The following PMS2 variants were observed in gnomAD, a reference collection of about 807,000 sequenced individuals.
The protein encoded by PMS2 is PMS1 homolog 2, mismatch repair system component.
In PMS2, 69 loss-of-function variants were observed where a neutral mutation model predicts 90.0. That is an observed-to-expected ratio of 0.77 (90% CI 0.63 to 0.94). The LOEUF is 0.94. Ranked by LOEUF, PMS2 falls within the 40% of genes least tolerant of loss-of-function variation. The pLI is 0.00. For missense variants in PMS2, 966 were observed against 1,040.2 expected (o/e 0.93, Z 0.98); for synonymous variants, 332 against 375.1 (o/e 0.89, Z 1.33).
intron 5 of PMS2, among the ~76,000 whole-genome samples, chr7:5,999,836 G>C (rs1424584259): frequency 6.6e-6 from 1 of 152,038 alleles, no homozygotes; most frequent in Non-Finnish European, 1.5e-5. Context: ...CATTGTGTTT[G>C]ATTTTATAAT....
At chr7:6,009,088 T>C (rs757534058), upstream of PMS2, 1 of 1,556,868 alleles carries the variant, frequency 6.4e-7, no homozygotes, top group Non-Finnish European at 8.9e-7. Context: ...GCGCTCCGCC[T>C]CCTGAACTCC....
At chr7:5,992,752 TA>T (rs1783910712) in intron 8 of PMS2, among the ~76,000 whole-genome samples, 2 of 152,216 alleles carry the variant, frequency 1.3e-5, no homozygotes, top group South Asian at 4.1e-4. Flanking sequence ...ACAATCAAGA[TA>T]ATGAATATAT....
rs116349687 is a variant in PMS2, at chr7:6,002,493, A to G, written c.497T>C (p.Leu166Pro). The G allele has an allele frequency of 1.4e-4, 221 of 1,611,606 alleles. No individual in the cohort carries two copies. The African/African-American group carries it at 2.7e-3, about 20-fold the overall frequency. ...TVSVQQLFSTLPVRHKEFQRN... is the reference protein window; with the variant it reads ...TVSVQQLFSTPPVRHKEFQRN... ...TTGAAATTCCTTATGGCGCACAGGT[A>G]GTGTGGAAAATAACTGCTGCACGCT... The change falls in exon 5 of 15, where the codon CTA (leucine) becomes CCA (proline). Residue 166 changes from leucine to proline, a missense_variant. Physicochemically the swap from Leu to Pro is moderately conservative, Grantham distance 98. Transcript: ENST00000265849.
In PMS2 at chr7:5,995,530, A is replaced by G. The variant is rs753803330; in HGVS notation, c.903+4T>C. 4.4e-6 allele frequency: 7 copies of G among 1,606,818 alleles called. No homozygotes were observed. The African/African-American group carries it at 6.7e-5, about 15-fold the overall frequency. On this transcript the variant is annotated splice_donor_region_variant and intron_variant, in intron 8 of 14. Transcript: ENST00000265849. The stretch of plus-strand genomic sequence containing the variant: ...ACAAACTAACACAAAAAAATTTTAA[A>G]TACCTTTGCTGGGTCACAAGGCCGC...
intron 10 of PMS2, among the ~76,000 whole-genome samples, chr7:5,988,229 A>T (rs902161888): frequency 6.6e-6 from 1 of 152,028 alleles, no homozygotes; most frequent in Non-Finnish European, 1.5e-5. Flanking sequence ...TTCTCTGGGA[A>T]TACCTCCTAA....
chr7:5,991,624 G>C (rs1377462655), intron 9 of PMS2, among the ~76,000 whole-genome samples: 1 of 151,798 alleles, frequency 6.6e-6, no homozygotes, highest in Non-Finnish European at 1.5e-5. Context: ...CAGATCACGA[G>C]GTCAGGAGAT....
intron 6 of PMS2, among the ~76,000 whole-genome samples, chr7:5,998,360 G>T (rs76993112): frequency 1.3e-5 from 2 of 149,128 alleles, no homozygotes; most frequent in Middle Eastern, 3.5e-3. Context: ...GATTACAGAC[G>T]TGAGCCACTG....
chr7:5,983,323 C>T (rs1021958801), intron 11 of PMS2, among the ~76,000 whole-genome samples: 6 of 151,474 alleles, frequency 4.0e-5, no homozygotes, highest in African/African-American at 1.5e-4. Context: ...GTTGGTCAGG[C>T]TGGTCTCGAA....
At chr7:5,983,272 A>G (rs1367527111) in intron 11 of PMS2, among the ~76,000 whole-genome samples, 1 of 150,928 alleles carries the variant, frequency 6.6e-6, no homozygotes, top group African/African-American at 2.4e-5. Context: ...CACCATGCCC[A>G]GCTAATTTTT....
At chr7:5,982,678 C>G (rs574576802) in intron 12 of PMS2, 146 bp downstream of exon 12, 2 of 1,236,782 alleles carry the variant, frequency 1.6e-6, no homozygotes, top group South Asian at 1.3e-5. Flanking sequence ...CTTCCTAGAT[C>G]TCTTCTTTTT....
In PMS2 at chr7:6,003,722, C is replaced by A. The variant is rs756420858; in HGVS notation, c.321G>T (p.Arg107=). 8 of 1,598,118 alleles carry A rather than the reference C, an allele frequency of 5.0e-6. No homozygotes were observed. The highest frequency in any genetic ancestry group is 1.1e-5 in the South Asian group (1 of 90,976). Residue 107 remains arginine (R), a synonymous_variant, in exon 4 of 15, where the codon CGG becomes CGT. Transcript: ENST00000265849. ...CACAAAGTGAGCTCAGAGCTTCCCC[C>A]CGAAAGCCAAAAGTTTCAACCTGAG... ...DLTQVETFGF[R]GEALSSLCAL...
At chr7:5,977,165 C>T (rs1212100798) in intron 14 of PMS2, among the ~76,000 whole-genome samples, 2 of 151,352 alleles carry the variant, frequency 1.3e-5, no homozygotes, top group Admixed American at 1.3e-4. Context: ...CGCCATTCTC[C>T]TGCCTCAGCC....
chr7:6,001,179 G>A (rs902921961), intron 5 of PMS2, among the ~76,000 whole-genome samples: 2 of 152,040 alleles, frequency 1.3e-5, no homozygotes, highest in African/African-American at 2.4e-5. Context: ...TGAAAGTGCC[G>A]AGTCTTCCAG....
chr7:6,008,638 G>C (rs1786163556), intron 1 of PMS2, among the ~76,000 whole-genome samples: 1 of 152,124 alleles, frequency 6.6e-6, no homozygotes, highest in Non-Finnish European at 1.5e-5. Flanking sequence ...AAAGGGGAGA[G>C]AGAACAGGTA....
chr7:5,994,068 C>G (rs557700443), intron 8 of PMS2, among the ~76,000 whole-genome samples: 1 of 151,726 alleles, frequency 6.6e-6, no homozygotes, highest in African/African-American at 2.4e-5. Context: ...TACAAACACA[C>G]TCACGTATAT....
At chr7:6,001,916 T>A (rs1336343484) in intron 5 of PMS2, 1 of 151,758 alleles carries the variant, frequency 6.6e-6, no homozygotes, top group African/African-American at 2.4e-5. Context: ...TCGCTTGAAC[T>A]CAGGAGGTGG....
intron 11 of PMS2, among the ~76,000 whole-genome samples, chr7:5,983,582 C>T (rs1395698824): frequency 3.3e-5 from 5 of 151,744 alleles, no homozygotes; most frequent in Non-Finnish European, 7.4e-5. Flanking sequence ...ATTCTCCATT[C>T]TGTCATCACT....
In PMS2 at chr7:5,987,079, A is replaced by T. The variant is rs764749700; in HGVS notation, c.1686T>A (p.Phe562Leu). ...HSNQEDTGCK[F>L]RVLPQPTNLA... is the part of the protein sequence containing the mutation. The stretch of plus-strand genomic sequence containing the variant: ...GATTAGTTGGCTGAGGCAAAACTCG[A>T]AATTTACATCCGGTATCTTCCTGGT... The change falls in exon 11 of 15, where the codon TTT becomes TTA. Residue 562 changes from phenylalanine (F) to leucine (L), a missense_variant. This residue lies in a region of PMS2 where 871 missense variants were observed against 802.4 expected (regional missense o/e 1.09). Transcript: ENST00000265849. The T allele has an allele frequency of 1.9e-6, 3 of 1,614,160 alleles. No homozygotes were observed. Among genetic ancestry groups the T allele is most frequent in the South Asian group, 2.2e-5 (2 of 91,078 alleles).
chr7:5,992,176 T>G lies in PMS2; in HGVS notation c.904-119A>C, dbSNP rs566845522. The G allele has an allele frequency of 1.4e-4, 91 of 630,652 alleles. No individual in the cohort carries two copies. In the South Asian group the frequency reaches 1.5e-3, roughly 10 times the overall value. 39.1% of individuals were successfully genotyped at this position (630,652 alleles called of 1,614,324 possible). On this transcript the variant is annotated intron_variant, in intron 8 of 14. Coordinates refer to ENST00000265849, the MANE Select transcript of PMS2 (RefSeq NM_000535.7). The stretch of plus-strand genomic sequence containing the variant: ...TCTTAGAAGGGGATACTTTTTTGTT[T>G]TTTTTTTTTTTGAGTCAAGGTCTCG...
Sources: allele counts gnomAD v4.1 joint callset (sites outside exome capture counted in the v4.1 genomes callset), GRCh38; gene constraint gnomAD v4.1.1; regional missense constraint gnomAD v4.1.1; transcripts MANE v1.5; gene names NCBI Gene and HGNC (gene_info 2026-07-23, HGNC 2026-07-21).